Variants in OSTN observed in about 807,000 individuals in gnomAD.
OSTN encodes the protein osteocrin.
A neutral mutation model predicts 12.0 loss-of-function variants in OSTN; 9 were observed. That is an observed-to-expected ratio of 0.75 (90% CI 0.45 to 1.30). The LOEUF (loss-of-function observed/expected upper bound fraction) is 1.30, where lower values mean the gene tolerates loss of function less well. Ranked by LOEUF, OSTN falls within the 50% of genes most tolerant of loss-of-function variation. The pLI is 0.00. For synonymous variants in OSTN, 59 were observed against 56.9 expected (o/e 1.04, Z -0.16); for missense variants, 148 against 152.3 (o/e 0.97, Z 0.15).
chr3:191,208,673 G>T (rs541993763), intron 1 of OSTN, among the ~76,000 whole-genome samples: 1 of 152,250 alleles, frequency 6.6e-6, no homozygotes, highest in Middle Eastern at 3.4e-3. Flanking sequence ...CCATTTATAA[G>T]ATTACAGAGA....
chr3:191,223,285 A>T (rs1168935264), intron 3 of OSTN, among the ~76,000 whole-genome samples: 4 of 152,236 alleles, frequency 2.6e-5, no homozygotes, highest in Non-Finnish European at 4.4e-5. Flanking sequence ...TAAATATGCA[A>T]AAATTTAGGG....
At chr3:191,209,409 G>A (rs143230296) in intron 1 of OSTN, among the ~76,000 whole-genome samples, 7 of 152,256 alleles carry the variant, frequency 4.6e-5, no homozygotes, top group African/African-American at 1.7e-4. Flanking sequence ...TGATTTACTG[G>A]TTTTGCTTTT....
intron 1 of OSTN, among the ~76,000 whole-genome samples, chr3:191,208,318 T>C (rs541074645): frequency 2.6e-5 from 4 of 152,318 alleles, no homozygotes; most frequent in Admixed American, 6.5e-5. Context: ...AGACTTTTCC[T>C]TTCCTCCCTA....
chr3:191,260,578 CAAAAGCT>C (rs1715784078), intron 4 of OSTN, among the ~76,000 whole-genome samples: 1 of 152,158 alleles, frequency 6.6e-6, no homozygotes, highest in Non-Finnish European at 1.5e-5. Flanking sequence ...GCTGAGAAAA[CAAAAGCT>C]CCTTATGGAC....
At chr3:191,252,216 C>T (rs1180985005) in intron 4 of OSTN, among the ~76,000 whole-genome samples, 5 of 152,268 alleles carry the variant, frequency 3.3e-5, no homozygotes, top group South Asian at 2.1e-4. Flanking sequence ...TGCGCCACCA[C>T]GCCCAGTTAC....
In OSTN at chr3:191,235,052, C is replaced by T. The variant is rs145922474; in HGVS notation, c.318-14985C>T. Among the ~76,000 whole-genome samples, 441 of 152,112 alleles carry T rather than the reference C, an allele frequency of 2.9e-3. 1 individual carries two copies. Among genetic ancestry groups the T allele is most frequent in the African/African-American group, 9.8e-3 (407 of 41,508 alleles). On this transcript the variant is annotated intron_variant, in intron 3 of 4. Transcript: ENST00000682035. ...TTGCTCCAGAATATTGTTATTATACCACCTAATTGAAAGAGAAAAACTCCA... is the reference window on the plus strand; with the variant it reads ...TTGCTCCAGAATATTGTTATTATACTACCTAATTGAAAGAGAAAAACTCCA...
chr3:191,230,100 A>ATAAATAAATAAATAAC (rs1306081001), intron 3 of OSTN, among the ~76,000 whole-genome samples: 6 of 150,526 alleles, frequency 4.0e-5, no homozygotes, highest in African/African-American at 1.5e-4. Context: ...AAATAAATAA[A>ATAAATAAATAAATAAC]TAACTTAGGA....
intron 4 of OSTN, among the ~76,000 whole-genome samples, chr3:191,258,282 G>A (rs1297921247): frequency 6.6e-6 from 1 of 152,190 alleles, no homozygotes; most frequent in Non-Finnish European, 1.5e-5. Flanking sequence ...TGTTTTTCAA[G>A]TGGACCACTG....
intron 3 of OSTN, among the ~76,000 whole-genome samples, chr3:191,241,443 C>G (rs1334331005): frequency 6.6e-6 from 1 of 151,920 alleles, no homozygotes; most frequent in African/African-American, 2.4e-5. Flanking sequence ...CTCGGCCTCC[C>G]AAAGCGCTGG....
intron 2 of OSTN, among the ~76,000 whole-genome samples, chr3:191,214,569 C>G (rs532092005): frequency 6.6e-6 from 1 of 150,984 alleles, no homozygotes; most frequent in South Asian, 2.1e-4. Context: ...TATAAGGAAA[C>G]AGGAGGCTCA....
chr3:191,261,585 C>T (rs933859706), intron 4 of OSTN, among the ~76,000 whole-genome samples: 3 of 152,046 alleles, frequency 2.0e-5, no homozygotes, highest in Admixed American at 6.5e-5. Flanking sequence ...AATGCAAATC[C>T]CCCCACAAAA....
At chr3:191,214,951 G>T (rs1166664266) in intron 2 of OSTN, among the ~76,000 whole-genome samples, 3 of 152,214 alleles carry the variant, frequency 2.0e-5, no homozygotes, top group Admixed American at 1.3e-4. Context: ...GGCAGAGGTT[G>T]CAGTGAGCCG....
chr3:191,248,522 A>G (rs1715488706), intron 3 of OSTN, among the ~76,000 whole-genome samples: 2 of 152,224 alleles, frequency 1.3e-5, no homozygotes, highest in Non-Finnish European at 2.9e-5. Context: ...GAACTAAAGA[A>G]GCTATTGAAA....
At position 191,264,907 on chromosome 3, in the gene OSTN, T is replaced by C. The variant is rs1404004751; in HGVS notation, c.*2054T>C. 2 of 152,212 alleles carry C rather than the reference T, an allele frequency of 1.3e-5. No homozygotes were observed. Among genetic ancestry groups the C allele is most frequent in the African/African-American group, 4.8e-5 (2 of 41,462 alleles). 9.4% of individuals were successfully genotyped at this position (152,212 alleles called of 1,614,324 possible). A position where few individuals can be genotyped will look rare whatever the true frequency, so the allele number is the denominator to read the frequency against. ...AATTAGACTATGACATCCAACTTAA[T>C]TAAAATAAGAAGTCACAATATAGTG... On this transcript the variant is annotated 3_prime_UTR_variant, in exon 5 of 5. Transcript: ENST00000682035.
chr3:191,262,405 T>A (rs1715832332), intron 4 of OSTN, among the ~76,000 whole-genome samples: 1 of 152,148 alleles, frequency 6.6e-6, no homozygotes, highest in Admixed American at 6.5e-5. Flanking sequence ...ACAGCAGAAA[T>A]CTTGTTTAAA....
chr3:191,242,587 G>T (rs955147616), intron 3 of OSTN, among the ~76,000 whole-genome samples: 5 of 152,010 alleles, frequency 3.3e-5, no homozygotes, highest in Admixed American at 2.6e-4. Flanking sequence ...TTGTGACGGG[G>T]TCTCTTTATA....
intron 3 of OSTN, among the ~76,000 whole-genome samples, chr3:191,244,304 TAAAC>T (rs1715383699): frequency 6.6e-6 from 1 of 152,072 alleles, no homozygotes; most frequent in South Asian, 2.1e-4. Context: ...TCATTTAAAA[TAAAC>T]AATCTAATCA....
At position 191,241,779 on chromosome 3, in the gene OSTN, T is replaced by C. The variant is rs1327718988; in HGVS notation, c.318-8258T>C. Among the ~76,000 whole-genome samples, 5 of 152,214 alleles carry C rather than the reference T, an allele frequency of 3.3e-5. 1 individual carries two copies. In the East Asian group the frequency reaches 9.6e-4, roughly 29 times the overall value. On this transcript the variant is annotated intron_variant, in intron 3 of 4. Coordinates refer to ENST00000682035, the MANE Select transcript of OSTN (RefSeq NM_198184.2). ...ATAAGCCTTACAAGTTTTAAAGGCA[T>C]GGTTATCATACAAAACATGTTCTCA...
At chr3:191,233,853 T>C (rs1475332705) in intron 3 of OSTN, among the ~76,000 whole-genome samples, 2 of 152,040 alleles carry the variant, frequency 1.3e-5, no homozygotes, top group African/African-American at 4.8e-5. Flanking sequence ...ATTTGCTGGG[T>C]GTGGCGGCGC....
Sources: gnomAD v4.1 joint callset for allele counts (sites outside exome capture counted in the v4.1 genomes callset) on GRCh38, gnomAD v4.1.1 for gene constraint, MANE v1.5 for transcripts, NCBI Gene and HGNC (gene_info 2026-07-23, HGNC 2026-07-21) for gene names.